Variants in KCNMB4 observed in about 807,000 individuals in gnomAD.
KCNMB4 encodes calcium-activated potassium channel subunit beta-4.
Under a neutral mutation model 20.7 loss-of-function variants are expected in KCNMB4, and 3 were observed. The ratio of observed to expected loss-of-function variants is 0.14; its 90% confidence interval spans 0.07 to 0.37. The LOEUF is 0.37. Ranked by LOEUF, KCNMB4 falls within the 10% of genes least tolerant of loss-of-function variation. The probability of loss-of-function intolerance (pLI) is 1.00; values close to 1 mark genes in which losing one functional copy is unlikely to be tolerated. For synonymous variants in KCNMB4, 110 were observed against 113.4 expected (o/e 0.97, Z 0.19); for missense variants, 168 against 265.9 (o/e 0.63, Z 2.56).
chr12:70,373,352 G>A (rs1883631954), intron 1 of KCNMB4, among the ~76,000 whole-genome samples: 1 of 152,190 alleles, frequency 6.6e-6, no homozygotes, highest in Admixed American at 6.5e-5. Flanking sequence ...AAAAGTAGAA[G>A]ACAGAGGCAG....
chr12:70,430,604 A>G lies in KCNMB4; in HGVS notation c.584A>G (p.Lys195Arg), dbSNP rs1279034068. Reference sequence around the variant, plus strand: ...ATTGTGGTCCTGACCATCTGTGCCAAGAGCTTGGCGGTCAAGGCGGAAGCC... The same window carrying G: ...ATTGTGGTCCTGACCATCTGTGCCAGGAGCTTGGCGGTCAAGGCGGAAGCC... ...VLIVVLTICA[K>R]SLAVKAEAMK... The change falls in exon 3 of 3, where the codon AAG becomes AGG. Residue 195 changes from lysine (K) to arginine (R), a missense_variant. Lys to Arg is a conservative substitution (Grantham distance 26). Coordinates refer to ENST00000258111, the MANE Select transcript of KCNMB4 (RefSeq NM_014505.6). The G allele has an allele frequency of 6.2e-7, 1 of 1,613,278 alleles. No individual in the cohort carries two copies. Among genetic ancestry groups the G allele is most frequent in the Admixed American group, 1.7e-5 (1 of 59,854 alleles).
At chr12:70,408,148 C>T (rs986605376) in intron 2 of KCNMB4, among the ~76,000 whole-genome samples, 1 of 151,216 alleles carries the variant, frequency 6.6e-6, no homozygotes, top group Non-Finnish European at 1.5e-5. Context: ...TATCACAGCC[C>T]AGCAGCACTC....
intron 2 of KCNMB4, among the ~76,000 whole-genome samples, chr12:70,406,010 G>A (rs1868589854): frequency 6.6e-6 from 1 of 152,214 alleles, no homozygotes. Flanking sequence ...TATACCAAGT[G>A]AAAGAAGCCA....
At chr12:70,405,904 A>C (rs1018459754) in intron 2 of KCNMB4, among the ~76,000 whole-genome samples, 1 of 152,164 alleles carries the variant, frequency 6.6e-6, no homozygotes, top group African/African-American at 2.4e-5. Context: ...AAGAAATAGA[A>C]AGAAAATATG....
At chr12:70,404,045 G>A (rs1357669825) in intron 2 of KCNMB4, among the ~76,000 whole-genome samples, 2 of 152,190 alleles carry the variant, frequency 1.3e-5, no homozygotes, top group Non-Finnish European at 2.9e-5. Flanking sequence ...AGAAATAGAA[G>A]GGGGAAGACT....
intron 1 of KCNMB4, among the ~76,000 whole-genome samples, chr12:70,393,503 G>A (rs1236515671): frequency 1.3e-5 from 2 of 152,074 alleles, no homozygotes; most frequent in Non-Finnish European, 2.9e-5. Context: ...GCCCCGCCGT[G>A]TTTTTATTTT....
At chr12:70,430,423 A>G (rs759176631) in intron 2 of KCNMB4, 62 bp from the exon 3 acceptor site, 17 of 1,571,464 alleles carry the variant, frequency 1.1e-5, no homozygotes, top group African/African-American at 2.7e-5. Flanking sequence ...TAGGTTGTAA[A>G]GAGTTTTTCA....
chr12:70,387,424 TGGAG>T (rs1565857573), intron 1 of KCNMB4, among the ~76,000 whole-genome samples: 1 of 141,296 alleles, frequency 7.1e-6, no homozygotes, highest in Non-Finnish European at 1.5e-5. Flanking sequence ...TTTTGTGAGA[TGGAG>T]TTTTGCTCTT....
At chr12:70,370,360 T>G (rs1217409888) in intron 1 of KCNMB4, among the ~76,000 whole-genome samples, 1 of 151,224 alleles carries the variant, frequency 6.6e-6, no homozygotes, top group East Asian at 1.9e-4. Context: ...CAGGCTGGAG[T>G]GCATTGGCAT....
intron 1 of KCNMB4, among the ~76,000 whole-genome samples, chr12:70,399,811 A>T (rs1868405610): frequency 6.6e-6 from 1 of 152,208 alleles, no homozygotes; most frequent in African/African-American, 2.4e-5. Flanking sequence ...TATTAGTTAC[A>T]GGTAGAAGAC....
intron 2 of KCNMB4, 109 bp downstream of exon 2, chr12:70,400,445 CTCT>C (rs1355648550): frequency 2.6e-6 from 3 of 1,141,990 alleles, no homozygotes; most frequent in Non-Finnish European, 2.4e-6. Context: ...ATAGCCTCAA[CTCT>C]TCTTTGCGTG....
intron 1 of KCNMB4, among the ~76,000 whole-genome samples, chr12:70,367,330 G>T (rs1468811847): frequency 6.6e-6 from 1 of 152,152 alleles, no homozygotes; most frequent in Non-Finnish European, 1.5e-5. Context: ...CAGATTTTGA[G>T]GCCTCGACCC....
chr12:70,376,433 A>C (rs572600227), intron 1 of KCNMB4, among the ~76,000 whole-genome samples: 2 of 152,182 alleles, frequency 1.3e-5, no homozygotes, highest in Non-Finnish European at 2.9e-5. Flanking sequence ...GATCTTATAT[A>C]TAGTAACTCC....
intron 1 of KCNMB4, among the ~76,000 whole-genome samples, chr12:70,386,502 AG>A (rs1315367770): frequency 6.6e-6 from 1 of 152,084 alleles, no homozygotes; most frequent in Non-Finnish European, 1.5e-5. Flanking sequence ...TTTGCAGAAA[AG>A]AAATGTTCAT....
intron 1 of KCNMB4, among the ~76,000 whole-genome samples, chr12:70,397,184 A>G (rs1868361486): frequency 6.6e-6 from 1 of 152,000 alleles, no homozygotes. Context: ...GGAGACAGAC[A>G]CCTTCTCTAC....
chr12:70,396,858 T>C (rs1182621482), intron 1 of KCNMB4, among the ~76,000 whole-genome samples: 2 of 152,182 alleles, frequency 1.3e-5, no homozygotes, highest in African/African-American at 4.8e-5. Flanking sequence ...TTTGTGTGAC[T>C]GGATTCTCGA....
chr12:70,370,100 G>A (rs903074703), intron 1 of KCNMB4, among the ~76,000 whole-genome samples: 2 of 152,070 alleles, frequency 1.3e-5, no homozygotes, highest in Non-Finnish European at 2.9e-5. Flanking sequence ...ATTTGGTCTT[G>A]GGTGGGGCCT....
intron 1 of KCNMB4, among the ~76,000 whole-genome samples, chr12:70,386,342 A>T (rs1355159874): frequency 6.6e-6 from 1 of 152,046 alleles, no homozygotes; most frequent in South Asian, 2.1e-4. Context: ...ATAAAAATTA[A>T]TTTTTTTATG....
At chr12:70,423,500 G>A (rs1869124949) in intron 2 of KCNMB4, among the ~76,000 whole-genome samples, 1 of 151,852 alleles carries the variant, frequency 6.6e-6, no homozygotes, top group East Asian at 1.9e-4. Context: ...GAAGGTCTCA[G>A]TCTGTCGCCC....
Sources: gnomAD v4.1 joint callset for allele counts (sites outside exome capture counted in the v4.1 genomes callset) on GRCh38, gnomAD v4.1.1 for gene constraint, MANE v1.5 for transcripts, NCBI Gene and HGNC (gene_info 2026-07-23, HGNC 2026-07-21) for gene names.